The following DAP3 variants were observed in gnomAD, a reference collection of about 807,000 sequenced individuals.
The protein encoded by DAP3 is death associated protein 3.
In DAP3, 28 loss-of-function variants were observed where a neutral mutation model predicts 51.9. The observed-to-expected ratio is 0.54, with a 90% CI of 0.40 to 0.74. The LOEUF is 0.74. Among genes scored for constraint, DAP3 ranks in the 30% least tolerant of loss-of-function variants. DAP3 has a pLI of 0.00. For missense variants in DAP3, 458 were observed against 483.5 expected, an observed-to-expected ratio of 0.95 and a Z score of 0.49; for synonymous variants, 170 against 170.3, an observed-to-expected ratio of 1.00 and a Z score of 0.01.
chr1:155,688,130 A>G, upstream of DAP3: 1 of 1,612,456 alleles, frequency 6.2e-7, no homozygotes, highest in Non-Finnish European at 8.5e-7. Flanking sequence ...GGTGGCCGCC[A>G]GGCTCCTCCG....
At position 155,689,116 on chromosome 1, in the gene DAP3, G is replaced by T. The variant is rs1394154520; in HGVS notation, c.-66G>T. The T allele has an allele frequency of 3.5e-6, 4 of 1,141,326 alleles. No homozygotes were observed. The highest frequency in any genetic ancestry group is 2.6e-5 in the East Asian group (1 of 39,206). 70.7% of individuals were successfully genotyped at this position (1,141,326 alleles called of 1,614,324 possible). ...GCAGTCTCAGGACGGGCGCTTTGGA[G>T]CCGGCCCCAGGCAGCGTGTGTCGGT... On this transcript the variant is annotated 5_prime_UTR_variant, in exon 1 of 13. Coordinates refer to ENST00000368336, the MANE Select transcript of DAP3 (RefSeq NM_004632.4).
chr1:155,719,629 T>C (rs1657759037), intron 3 of DAP3, among the ~76,000 whole-genome samples: 1 of 151,682 alleles, frequency 6.6e-6, no homozygotes, highest in Non-Finnish European at 1.5e-5. Flanking sequence ...GCTCCCTGCA[T>C]CCTCCACCTC....
At chr1:155,715,134 C>T (rs1014015299) in intron 2 of DAP3, among the ~76,000 whole-genome samples, 9 of 149,096 alleles carry the variant, frequency 6.0e-5, no homozygotes, top group South Asian at 2.1e-4. Flanking sequence ...ACCCAGGAGG[C>T]GGAGGTTGCA....
intron 1 of DAP3, among the ~76,000 whole-genome samples, chr1:155,699,311 A>G (rs943681470): frequency 6.6e-6 from 1 of 152,200 alleles, no homozygotes; most frequent in African/African-American, 2.4e-5. Flanking sequence ...AGGAGCCTGC[A>G]TATCTAGCCA....
At chr1:155,711,128 TGAAAC>T (rs1656641978) in intron 2 of DAP3, among the ~76,000 whole-genome samples, 1 of 152,024 alleles carries the variant, frequency 6.6e-6, no homozygotes, top group African/African-American at 2.4e-5. Context: ...TATTATAAAA[TGAAAC>T]GAAAGCAAGG....
At chr1:155,736,087 C>T (rs551902973) in intron 11 of DAP3, among the ~76,000 whole-genome samples, 1 of 152,166 alleles carries the variant, frequency 6.6e-6, no homozygotes, top group Non-Finnish European at 1.5e-5. Context: ...GATCTGCCCG[C>T]CTCAGCCTCC....
chr1:155,697,065 G>A lies in DAP3; in HGVS notation c.-8+7891G>A, dbSNP rs147957954. On this transcript the variant is annotated intron_variant, in intron 1 of 12. Coordinates refer to ENST00000368336, the MANE Select transcript of DAP3 (RefSeq NM_004632.4). Reference sequence around the variant, plus strand: ...GGGGAATTCCAAGGAGAGAAAGTGGGTGAAATATATCCTTTTTCTAGTAGT... The same window carrying A: ...GGGGAATTCCAAGGAGAGAAAGTGGATGAAATATATCCTTTTTCTAGTAGT... 1.6e-3 allele frequency among the ~76,000 whole-genome samples: 242 copies of A among 152,286 alleles called. 1 individual carries two copies. The highest frequency in any genetic ancestry group is 0.01 in the Middle Eastern group (3 of 294).
At chr1:155,725,889 C>T (rs1257981914) in intron 5 of DAP3, 38 bp from the exon 6 acceptor site, 1 of 1,583,250 alleles carries the variant, frequency 6.3e-7, no homozygotes, top group African/African-American at 1.3e-5. Context: ...TACAAGTGAT[C>T]CTTCCAGTCA....
chr1:155,712,899 C>A (rs1002557136), intron 2 of DAP3, among the ~76,000 whole-genome samples: 1 of 152,110 alleles, frequency 6.6e-6, no homozygotes, highest in African/African-American at 2.4e-5. Context: ...GCTTTCTCTC[C>A]GGTAGATAAA....
intron 1 of DAP3, among the ~76,000 whole-genome samples, chr1:155,698,557 A>G (rs1156485707): frequency 6.6e-6 from 1 of 152,100 alleles, no homozygotes; most frequent in Non-Finnish European, 1.5e-5. Flanking sequence ...TCTATCTGAA[A>G]AGCCTCCAGT....
At chr1:155,738,052 C>G in intron 12 of DAP3, 105 bp from the exon 13 acceptor site, 1 of 1,065,268 alleles carries the variant, frequency 9.4e-7, no homozygotes, top group Non-Finnish European at 1.4e-6. Context: ...TGATAATTAC[C>G]TCAGAACGTA....
intron 11 of DAP3, among the ~76,000 whole-genome samples, chr1:155,734,830 C>T (rs1337584046): frequency 6.6e-6 from 1 of 152,134 alleles, no homozygotes; most frequent in African/African-American, 2.4e-5. Context: ...GTAGCCAATT[C>T]CATGCTACCA....
upstream of DAP3, chr1:155,688,616 C>G: frequency 1.3e-6 from 2 of 1,535,072 alleles, no homozygotes; most frequent in Non-Finnish European, 1.7e-6. Context: ...CACTCCCCCT[C>G]AGACCCTGTC....
intron 4 of DAP3, among the ~76,000 whole-genome samples, chr1:155,724,805 A>T (rs1019596399): frequency 6.6e-6 from 1 of 151,988 alleles, no homozygotes; most frequent in Admixed American, 6.6e-5. Context: ...AAAAATACAA[A>T]ATAGCCGGGC....
chr1:155,725,107 A>G (rs1225040952), intron 4 of DAP3, among the ~76,000 whole-genome samples: 1 of 152,226 alleles, frequency 6.6e-6, no homozygotes, highest in South Asian at 2.1e-4. Context: ...TCAATTATTT[A>G]TAGATTTCAG....
At chr1:155,703,662 T>C (rs1016390858) in intron 1 of DAP3, among the ~76,000 whole-genome samples, 4 of 152,132 alleles carry the variant, frequency 2.6e-5, no homozygotes, top group Admixed American at 1.3e-4. Flanking sequence ...CTCAGCCTCC[T>C]GAGTATCTGG....
intron 3 of DAP3, 45 bp downstream of exon 3, chr1:155,717,173 T>C (rs1657440165): frequency 6.3e-7 from 1 of 1,593,234 alleles, no homozygotes; most frequent in Non-Finnish European, 8.5e-7. Flanking sequence ...GCTTATGATT[T>C]GTGTTCCTGT....
Position 155,731,844 on chromosome 1 carries a change from A to C in DAP3, c.904-100A>C, listed in dbSNP as rs1023755658. 12 of 1,217,730 alleles carry C rather than the reference A, an allele frequency of 9.9e-6. No homozygotes were observed. The African/African-American group carries it at 1.4e-4, about 14-fold the overall frequency. 75.4% of individuals were successfully genotyped at this position (1,217,730 alleles called of 1,614,324 possible). ...CTGTGCTAGACCACACTTTTGTAAC[A>C]CTGTATGCCCAAGAAAGAAAAAAAA... On this transcript the variant is annotated intron_variant, in intron 10 of 12. Transcript: ENST00000368336.
At chr1:155,720,555 G>A (rs1383865994) in intron 3 of DAP3, among the ~76,000 whole-genome samples, 2 of 151,894 alleles carry the variant, frequency 1.3e-5, no homozygotes, top group Non-Finnish European at 2.9e-5. Flanking sequence ...GGGTGAGGCA[G>A]GAGAATTGGT....
Sources: allele counts gnomAD v4.1 joint callset (sites outside exome capture counted in the v4.1 genomes callset), GRCh38; gene constraint gnomAD v4.1.1; transcripts MANE v1.5; gene names NCBI Gene and HGNC (gene_info 2026-07-23, HGNC 2026-07-21).